The following KLHL4 variants were observed in gnomAD, a reference collection of about 807,000 sequenced individuals.
The protein encoded by KLHL4 is kelch-like protein 4.
In KLHL4, 17 loss-of-function variants were observed where a neutral mutation model predicts 45.8. That is an observed-to-expected ratio of 0.37 (90% CI 0.25 to 0.56). The LOEUF (loss-of-function observed/expected upper bound fraction) is 0.56, where lower values mean the gene tolerates loss of function less well. Among genes scored for constraint, KLHL4 ranks in the 20% least tolerant of loss-of-function variants. The pLI, the probability that KLHL4 is intolerant of heterozygous loss-of-function variation, is 0.79. For missense variants in KLHL4, 544 were observed against 544.9 expected, an observed-to-expected ratio of 1.00 and a Z score of 0.02; for synonymous variants, 224 against 189.9, an observed-to-expected ratio of 1.18 and a Z score of -1.47.
chrX:87,559,797 A>C (rs1932056713), intron 1 of KLHL4, among the ~76,000 whole-genome samples: 1 of 72,622 alleles, frequency 1.4e-5, no homozygotes, highest in African/African-American at 4.5e-5. Flanking sequence ...TAATAACTAT[A>C]ATCTAAGATG....
chrX:87,524,578 C>T (rs1427370937), intron 1 of KLHL4, among the ~76,000 whole-genome samples: 2 of 110,904 alleles, frequency 1.8e-5, no homozygotes, highest in Non-Finnish European at 3.8e-5. Flanking sequence ...CTGGTCTATA[C>T]TCCTGAAACT....
chrX:87,662,415 T>C (rs1924217963), intron 9 of KLHL4, among the ~76,000 whole-genome samples: 1 of 112,285 alleles, frequency 8.9e-6, no homozygotes, highest in Non-Finnish European at 1.9e-5. Flanking sequence ...CAACTTTGAA[T>C]GCTGAAATAA....
At chrX:87,552,345 C>A (rs918875616) in intron 1 of KLHL4, among the ~76,000 whole-genome samples, 9 of 110,651 alleles carry the variant, frequency 8.1e-5, no homozygotes, top group Non-Finnish European at 1.5e-4. Flanking sequence ...AATGCAATAC[C>A]CCCTTACTCC....
chrX:87,583,727 G>C (rs867927216), intron 1 of KLHL4, among the ~76,000 whole-genome samples: 1 of 111,123 alleles, frequency 9.0e-6, no homozygotes, highest in Middle Eastern at 4.7e-3. Context: ...TCTGGCTTCA[G>C]GTAAGACTCA....
intron 1 of KLHL4, among the ~76,000 whole-genome samples, chrX:87,575,476 G>T (rs1214052329): frequency 1.8e-5 from 2 of 111,761 alleles, no homozygotes; most frequent in African/African-American, 6.5e-5. Flanking sequence ...TGCCAAAAAG[G>T]TTGGGGACTG....
chrX:87,597,554 A>G (rs1921876511), intron 1 of KLHL4, among the ~76,000 whole-genome samples: 1 of 111,863 alleles, frequency 8.9e-6, no homozygotes, highest in African/African-American at 3.2e-5. Context: ...TCAGTGAGAT[A>G]AATAAATTAT....
chrX:87,597,686 T>C (rs11796121), intron 1 of KLHL4, among the ~76,000 whole-genome samples: 1 of 110,897 alleles, frequency 9.0e-6, no homozygotes, highest in African/African-American at 3.3e-5. Context: ...AACTAAGGGC[T>C]ATACTAGGTG....
chrX:87,560,414 T>C (rs2213682), intron 1 of KLHL4, among the ~76,000 whole-genome samples: 27,778 of 110,970 alleles, frequency 0.25, 2,955 homozygotes, highest in East Asian at 0.51. Context: ...GCTGCTGATA[T>C]AATTTTTCAT....
At chrX:87,602,783 AAGC>A (rs1367473064) in intron 1 of KLHL4, among the ~76,000 whole-genome samples, 2 of 111,640 alleles carry the variant, frequency 1.8e-5, no homozygotes, top group Admixed American at 9.6e-5. Flanking sequence ...ATAAAAATGA[AAGC>A]AGGTTCTAGA....
intron 5 of KLHL4, among the ~76,000 whole-genome samples, chrX:87,623,866 T>C (rs933772207): frequency 8.9e-6 from 1 of 111,797 alleles, no homozygotes; most frequent in Non-Finnish European, 1.9e-5. Context: ...TATACACTTA[T>C]ATGTATTATT....
chrX:87,641,783 C>T (rs1696987927), intron 9 of KLHL4, among the ~76,000 whole-genome samples: 1 of 110,572 alleles, frequency 9.0e-6, no homozygotes, highest in South Asian at 3.9e-4. Context: ...CCCCACTTCC[C>T]TGACAACCTG....
chrX:87,633,887 T>C lies in KLHL4; in HGVS notation c.1688T>C (p.Val563Ala). ...AGTATGTCAACTCCTAGAAGCACAG[T>C]TGGTGTTGTTGCATTAAACAACAAG... ...VASMSTPRSTVGVVALNNKLY... is the reference protein window; with the variant it reads ...VASMSTPRSTAGVVALNNKLY... Residue 563 changes from valine (V) to alanine (A), a missense_variant, in exon 8 of 11, where the codon GTT becomes GCT. Transcript: ENST00000373119. 2 of 1,204,316 alleles carry C rather than the reference T, an allele frequency of 1.7e-6. No individual in the cohort carries two copies. Among genetic ancestry groups the C allele is most frequent in the Non-Finnish European group, 2.2e-6 (2 of 892,634 alleles).
chrX:87,656,302 C>A (rs1303412465), intron 9 of KLHL4, among the ~76,000 whole-genome samples: 1 of 110,544 alleles, frequency 9.0e-6, no homozygotes, highest in Non-Finnish European at 1.9e-5. Context: ...TTCTTCTTCT[C>A]CCCCAGGAAT....
intron 9 of KLHL4, among the ~76,000 whole-genome samples, chrX:87,660,798 C>T (rs1373305423): frequency 8.9e-6 from 1 of 112,628 alleles, no homozygotes; most frequent in African/African-American, 3.2e-5. Context: ...GAGCTGAGAT[C>T]GTGCAACTGC....
intron 1 of KLHL4, among the ~76,000 whole-genome samples, chrX:87,521,204 G>A (rs1215621272): frequency 8.9e-6 from 1 of 111,786 alleles, no homozygotes; most frequent in Non-Finnish European, 1.9e-5. Flanking sequence ...TTTGTCATCT[G>A]TGCACTGCCA....
chrX:87,555,985 T>A (rs1174095165), intron 1 of KLHL4, among the ~76,000 whole-genome samples: 21 of 110,386 alleles, frequency 1.9e-4, no homozygotes, highest in African/African-American at 6.6e-4. Context: ...TACCCAGTAA[T>A]CATTCAGGAG....
chrX:87,591,601 G>A (rs1415465874), intron 1 of KLHL4, among the ~76,000 whole-genome samples: 2 of 111,816 alleles, frequency 1.8e-5, no homozygotes, highest in Non-Finnish European at 1.9e-5. Context: ...TTTGCAGATT[G>A]TGTCTTCACT....
At chrX:87,585,290 C>T (rs1296478865) in intron 1 of KLHL4, among the ~76,000 whole-genome samples, 1 of 110,684 alleles carries the variant, frequency 9.0e-6, no homozygotes, top group African/African-American at 3.3e-5. Flanking sequence ...TAAATAATTG[C>T]CTGAAGGTAT....
intron 1 of KLHL4, among the ~76,000 whole-genome samples, chrX:87,605,303 G>T (rs868712670): frequency 9.0e-6 from 1 of 111,230 alleles, no homozygotes; most frequent in Middle Eastern, 4.7e-3. Flanking sequence ...TGTGAGGAAT[G>T]TCATTTGTAT....
Sources: allele counts gnomAD v4.1 joint callset (sites outside exome capture counted in the v4.1 genomes callset), GRCh38; gene constraint gnomAD v4.1.1; transcripts MANE v1.5; gene names NCBI Gene and HGNC (gene_info 2026-07-23, HGNC 2026-07-21).